Variants in CHRNB4 observed in about 807,000 individuals in gnomAD.
The protein encoded by CHRNB4 is cholinergic receptor nicotinic beta 4 subunit, also known as neuronal acetylcholine receptor subunit beta-4.
In CHRNB4, 23 loss-of-function variants were observed where a neutral mutation model predicts 40.4. That is an observed-to-expected ratio of 0.57 (90% CI 0.41 to 0.81). CHRNB4 has a LOEUF of 0.81. CHRNB4 is among the 30% of genes least tolerant of loss of function. The pLI is 0.00. For missense variants in CHRNB4, 568 were observed against 670.6 expected, an observed-to-expected ratio of 0.85 and a Z score of 1.69; for synonymous variants, 285 against 274.4, an observed-to-expected ratio of 1.04 and a Z score of -0.38.
intron 7 of CHRNB4, among the ~76,000 whole-genome samples, chr15:78,646,453 G>A (rs1411723978): frequency 6.6e-6 from 1 of 152,206 alleles, no homozygotes; most frequent in Non-Finnish European, 1.5e-5. Flanking sequence ...TATGACTGGG[G>A]TAGTGTCTTA....
chr15:78,635,307 G>A, intron 2 of CHRNB4, 132 bp downstream of exon 2: 3 of 1,105,760 alleles, frequency 2.7e-6, no homozygotes, highest in Non-Finnish European at 3.8e-6. Flanking sequence ...CCCTTCTGCA[G>A]CCTCCCTGAC....
At chr15:78,631,701 T>C (rs1336316082) in intron 2 of CHRNB4, among the ~76,000 whole-genome samples, 1 of 152,202 alleles carries the variant, frequency 6.6e-6, no homozygotes, top group East Asian at 1.9e-4. Flanking sequence ...CACCATCATC[T>C]GTCACTTAGA....
chr15:78,629,014 C>T lies in CHRNB4; in HGVS notation c.1291G>A (p.Val431Ile), dbSNP rs371097806. The T allele has an allele frequency of 6.2e-7, 1 of 1,614,184 alleles. No individual in the cohort carries two copies. The highest frequency in any genetic ancestry group is 2.2e-5 in the East Asian group (1 of 44,876). The change falls in exon 5 of 6, where the codon GTC becomes ATC. Residue 431 changes from valine (V) to isoleucine (I), a missense_variant. Val to Ile is a conservative substitution (Grantham distance 29). Coordinates refer to ENST00000261751, the MANE Select transcript of CHRNB4 (RefSeq NM_000750.5). This position sits in a 1 kb window ranked among gnomAD's most constrained non-coding sequence, Gnocchi z 6.8. ...RQDVQEALEGVSFIAQHMKND... is the reference protein window; with the variant it reads ...RQDVQEALEGISFIAQHMKND... ...TTCATGTGCTGGGCGATGAAGCTGA[C>T]ACCTTCTAATGCCTCCTGCACATCC...
At chr15:78,625,423 TTC>T in intron 5 of CHRNB4, 132 bp from the exon 6 acceptor site, 1 of 809,934 alleles carries the variant, frequency 1.2e-6, no homozygotes, top group Non-Finnish European at 1.8e-6. Flanking sequence ...GGGGGGCAAG[TTC>T]TGAGTCCCAG....
At position 78,629,503 on chromosome 15, in the gene CHRNB4, T is replaced by G. The variant is rs778088731; in HGVS notation, c.802A>C (p.Ile268Leu). The stretch of plus-strand genomic sequence containing the variant: ...AATGTCAGTGCCAGCAGCACTGAGA[T>G]GCACAGTGTCATCTTCTCGCCGCAG... ...SDCGEKMTLC[I>L]SVLLALTFFL... is the part of the protein sequence containing the mutation. The change falls in exon 5 of 6, where the codon ATC (isoleucine) becomes CTC (leucine). Residue 268 changes from isoleucine to leucine, a missense_variant. By Grantham distance (5) the Ile-to-Leu change is conservative (BLOSUM62 2). This residue lies in a region of CHRNB4 where 38 missense variants were observed against 80.3 expected (regional missense o/e 0.47). Transcript: ENST00000261751. The surrounding 1 kb of genome is among the most constrained non-coding windows in gnomAD (Gnocchi z 6.8). 15 of 1,614,148 alleles carry G rather than the reference T, an allele frequency of 9.3e-6. No individual in the cohort carries two copies. The highest frequency in any genetic ancestry group is 1.3e-5 in the Non-Finnish European group (15 of 1,180,014).
At chr15:78,661,608 T>C, upstream of CHRNB4, 1 of 502,262 alleles carries the variant, frequency 2.0e-6, no homozygotes, top group Non-Finnish European at 4.0e-6. Flanking sequence ...TCAACTCCCA[T>C]GATGGCGCCT....
exon 7 of CHRNB4, chr15:78,649,390 T>C (rs1368408469): frequency 2.2e-6 from 1 of 454,994 alleles, no homozygotes; most frequent in East Asian, 7.0e-5. Context: ...TAATACAATA[T>C]GATCTGGAGC....
At chr15:78,644,190 A>G (rs941492616), upstream of CHRNB4, among the ~76,000 whole-genome samples, 1 of 151,720 alleles carries the variant, frequency 6.6e-6, no homozygotes, top group African/African-American at 2.4e-5. Flanking sequence ...TATTCACAAT[A>G]GTAACAAAAA....
chr15:78,631,452 T>A (rs1407245918), intron 2 of CHRNB4, 120 bp from the exon 3 acceptor site: 7 of 884,746 alleles, frequency 7.9e-6, no homozygotes, highest in Non-Finnish European at 1.2e-5. Context: ...CACCCCAACA[T>A]CTCTTGGATG....
intron 2 of CHRNB4, among the ~76,000 whole-genome samples, chr15:78,632,626 C>T (rs542708304): frequency 3.9e-4 from 59 of 151,342 alleles, no homozygotes; most frequent in African/African-American, 1.4e-3. Context: ...ATTTTTTTTT[C>T]GTAGCATTTC....
At chr15:78,660,189 A>G (rs1338038160) in intron 1 of CHRNB4, among the ~76,000 whole-genome samples, 1 of 147,936 alleles carries the variant, frequency 6.8e-6, no homozygotes, top group Non-Finnish European at 1.5e-5. Context: ...CCTGAGCAAC[A>G]GAGCAAGACT....
chr15:78,637,439 G>T (rs1286375183), intron 1 of CHRNB4, among the ~76,000 whole-genome samples: 4 of 151,960 alleles, frequency 2.6e-5, no homozygotes, highest in African/African-American at 9.7e-5. Flanking sequence ...ATGAGCAGAA[G>T]AAACAGTGCC....
chr15:78,628,824 C>T, intron 5 of CHRNB4, 143 bp downstream of exon 5: 2 of 1,083,434 alleles, frequency 1.8e-6, no homozygotes, highest in East Asian at 2.5e-5. Context: ...ATATTTAACA[C>T]AAACTCATTT....
At chr15:78,645,919 G>A (rs1170482629), upstream of CHRNB4, among the ~76,000 whole-genome samples, 2 of 152,056 alleles carry the variant, frequency 1.3e-5, no homozygotes, top group East Asian at 1.9e-4. Context: ...AATTAGCTGG[G>A]TATGGTGGCG....
chr15:78,635,509 C>T lies in CHRNB4; in HGVS notation c.134G>A (p.Arg45His), dbSNP rs773298633. 14 of 1,613,970 alleles carry T rather than the reference C, an allele frequency of 8.7e-6. No homozygotes were observed. Among genetic ancestry groups the T allele is most frequent in the African/African-American group, 1.3e-5 (1 of 74,892 alleles). Residue 45 changes from arginine (R) to histidine (H), a missense_variant, in exon 2 of 6, where the codon CGC (arginine) becomes CAC (histidine). Arg to His is a conservative substitution (Grantham distance 29). Coordinates refer to ENST00000261751, the MANE Select transcript of CHRNB4 (RefSeq NM_000750.5). ...LNKTRYNNLI[R>H]PATSSSQLIS... ...GAGCTGTGAGGAGCTGGTGGCTGGG[C>T]GGATCAGGTTATTGTAACGGGTTTT...
At chr15:78,642,765 T>C (rs2054092157), upstream of CHRNB4, among the ~76,000 whole-genome samples, 1 of 152,198 alleles carries the variant, frequency 6.6e-6, no homozygotes, top group Non-Finnish European at 1.5e-5. Flanking sequence ...TAATTATCTA[T>C]TGAGAATAAT....
At chr15:78,655,626 G>A in exon 5 of CHRNB4, 1 of 151,806 alleles carries the variant, frequency 6.6e-6, no homozygotes. Flanking sequence ...AGCCACGATG[G>A]TGCTACCACA....
At chr15:78,642,547 G>A (rs982440062), upstream of CHRNB4, among the ~76,000 whole-genome samples, 1 of 152,154 alleles carries the variant, frequency 6.6e-6, no homozygotes, top group Non-Finnish European at 1.5e-5. Flanking sequence ...AGGATGCTGG[G>A]AGCGGGAGGC....
At position 78,649,792 on chromosome 15, in the gene CHRNB4, C is replaced by A. The variant is rs77282437; in HGVS notation, c.-15-353G>T. On this transcript the variant is annotated intron_variant and NMD_transcript_variant, in intron 6 of 11. Transcript: ENST00000559849. ...AACTCTAAATTCAGAGAAGTGGTTA[C>A]CTCTGGGGATGGGAAGAAAAATAAT... is the stretch of plus-strand genomic sequence containing the variant. Among the ~76,000 whole-genome samples the A allele has an allele frequency of 5.9e-3, 890 of 151,118 alleles. 24 individuals are homozygous for A. The highest frequency in any genetic ancestry group is 0.052 in the East Asian group (268 of 5,126).
Sources: allele counts gnomAD v4.1 joint callset (sites outside exome capture counted in the v4.1 genomes callset), GRCh38; gene constraint gnomAD v4.1.1; regional missense constraint gnomAD v4.1.1; non-coding constraint Gnocchi (gnomAD v3.1); transcripts MANE v1.5; gene names NCBI Gene and HGNC (gene_info 2026-07-23, HGNC 2026-07-21).